Variants in ZNF532 observed in about 807,000 individuals in gnomAD.
ZNF532 encodes the protein zinc finger protein 532.
Under a neutral mutation model 89.3 loss-of-function variants are expected in ZNF532, and 22 were observed. The observed-to-expected ratio is 0.25, with a 90% CI of 0.18 to 0.35. The LOEUF (loss-of-function observed/expected upper bound fraction) is 0.35, where lower values mean the gene tolerates loss of function less well. ZNF532 is among the 10% of genes least tolerant of loss of function. The probability of loss-of-function intolerance (pLI) is 1.00; values close to 1 mark genes in which losing one functional copy is unlikely to be tolerated. For synonymous variants in ZNF532, 606 were observed against 649.6 expected (o/e 0.93, Z 1.02); for missense variants, 1,132 against 1,643.4 (o/e 0.69, Z 5.38).
chr18:58,961,590 G>T (rs1453517913), intron 7 of ZNF532, among the ~76,000 whole-genome samples: 2 of 151,908 alleles, frequency 1.3e-5, no homozygotes, highest in African/African-American at 4.9e-5. Flanking sequence ...TACCGCAAAG[G>T]GGAGGGAATG....
intron 2 of ZNF532, chr18:58,916,843 A>G (rs2060635878): frequency 1.8e-6 from 1 of 547,828 alleles, no homozygotes; most frequent in African/African-American, 2.1e-5. Flanking sequence ...TGGAATAGTT[A>G]CTTTTATTAG....
intron 6 of ZNF532, among the ~76,000 whole-genome samples, chr18:58,951,701 G>A (rs927694109): frequency 2.3e-5 from 3 of 128,934 alleles, no homozygotes; most frequent in Admixed American, 9.7e-5. Flanking sequence ...CCAAGCTGGA[G>A]TGCAGTGGGG....
At chr18:58,888,794 ATAATTTATATATATAAAAAAT>A (rs2058586511) in intron 2 of ZNF532, among the ~76,000 whole-genome samples, 1 of 52,690 alleles carries the variant, frequency 1.9e-5, no homozygotes, top group African/African-American at 1.2e-4. Context: ...TAAAATATAT[ATAATTTATATATATAAAAAAT>A]TATATATATA....
In ZNF532 at chr18:58,918,806, C is replaced by T. The variant is rs758168239; in HGVS notation, c.519C>T (p.Tyr173=). Residue 173 remains tyrosine, a synonymous_variant, in exon 3 of 10, where the codon TAC becomes TAT. Coordinates refer to ENST00000591808, the MANE Select transcript of ZNF532 (RefSeq NM_001375912.1). ...VLTGSAPQQD[Y]DKLKALGGEN... Reference sequence around the variant, plus strand: ...CGGGGTCGGCTCCCCAGCAGGACTACGATAAGCTGAAGGCACTCGGAGGGG... The same window carrying T: ...CGGGGTCGGCTCCCCAGCAGGACTATGATAAGCTGAAGGCACTCGGAGGGG... 8 of 1,614,138 alleles carry T rather than the reference C, an allele frequency of 5.0e-6. No individual in the cohort carries two copies. In the East Asian group the frequency reaches 8.9e-5, roughly 18 times the overall value.
In ZNF532 at chr18:58,972,696, G is replaced by A. The variant is rs189263937; in HGVS notation, c.3151-6359G>A. On this transcript the variant is annotated intron_variant, in intron 7 of 9. Transcript: ENST00000591808. Reference sequence around the variant, plus strand: ...CTGTCTCCCTGCTCATTCATTCATCGCTCGCCTCTATCCTCAGTCTCTTCA... The same window carrying A: ...CTGTCTCCCTGCTCATTCATTCATCACTCGCCTCTATCCTCAGTCTCTTCA... 2.4e-3 allele frequency among the ~76,000 whole-genome samples: 367 copies of A among 151,980 alleles called. 1 individual carries two copies. The highest frequency in any genetic ancestry group is 3.8e-3 in the Non-Finnish European group (257 of 67,964).
At chr18:58,963,344 C>G (rs1165255300) in intron 7 of ZNF532, among the ~76,000 whole-genome samples, 1 of 152,070 alleles carries the variant, frequency 6.6e-6, no homozygotes, top group Non-Finnish European at 1.5e-5. Flanking sequence ...GTAGCCTTTC[C>G]CATTCTGAAA....
chr18:58,888,787 A>T (rs560039478), intron 2 of ZNF532, among the ~76,000 whole-genome samples: 97 of 8,148 alleles, frequency 0.012, 4 homozygotes, highest in African/African-American at 0.025. Flanking sequence ...ATATATATAA[A>T]ATATATATAA....
intron 2 of ZNF532, among the ~76,000 whole-genome samples, chr18:58,876,170 G>A (rs1435004455): frequency 3.9e-5 from 6 of 151,982 alleles, no homozygotes; most frequent in Admixed American, 1.3e-4. Flanking sequence ...TCCTGACCTC[G>A]TGATCCGCCT....
At chr18:58,912,681 T>G (rs966558679) in intron 2 of ZNF532, among the ~76,000 whole-genome samples, 1 of 152,230 alleles carries the variant, frequency 6.6e-6, no homozygotes, top group East Asian at 1.9e-4. Flanking sequence ...ATGAAACTTT[T>G]CTGTGGCATT....
At chr18:58,977,516 C>T (rs1800180021) in intron 7 of ZNF532, 1 of 152,126 alleles carries the variant, frequency 6.6e-6, no homozygotes, top group Admixed American at 6.5e-5. Context: ...TGAACAAGGA[C>T]ATGTTTGTCA....
chr18:58,881,994 G>A (rs2057962219), intron 2 of ZNF532, among the ~76,000 whole-genome samples: 1 of 152,034 alleles, frequency 6.6e-6, no homozygotes, highest in South Asian at 2.1e-4. Flanking sequence ...GTCTTGCTCC[G>A]TCTCTTAGGC....
In ZNF532 at chr18:58,972,210, C is replaced by G. The variant is rs1204192444; in HGVS notation, c.3151-6845C>G. ...AGAGACTCTGTCTCAAAAATACAAA[C>G]AAGAAAACAACTGTCAGTGTGTGTA... is the stretch of plus-strand genomic sequence containing the variant. On this transcript the variant is annotated intron_variant, in intron 7 of 9. Coordinates refer to ENST00000591808, the MANE Select transcript of ZNF532 (RefSeq NM_001375912.1). Among the ~76,000 whole-genome samples, 3 of 152,232 alleles carry G rather than the reference C, an allele frequency of 2.0e-5. No homozygotes were observed. In the East Asian group the frequency reaches 5.8e-4, roughly 29 times the overall value.
chr18:58,895,494 A>G (rs2059183815), intron 2 of ZNF532, among the ~76,000 whole-genome samples: 1 of 152,244 alleles, frequency 6.6e-6, no homozygotes, highest in African/African-American at 2.4e-5. Flanking sequence ...AACTTTGTTT[A>G]ACCATTTGAC....
chr18:58,955,236 G>A (rs567875094), intron 7 of ZNF532, among the ~76,000 whole-genome samples: 45 of 152,266 alleles, frequency 3.0e-4, no homozygotes, highest in Non-Finnish European at 5.7e-4. Flanking sequence ...TACCCTGGGC[G>A]ATAGAGCGAG....
intron 2 of ZNF532, among the ~76,000 whole-genome samples, chr18:58,888,786 A>T (rs541362768): frequency 6.4e-4 from 4 of 6,208 alleles, no homozygotes; most frequent in South Asian, 7.1e-3. Flanking sequence ...TATATATATA[A>T]AATATATATA....
chr18:58,981,787 G>T (rs1429915778), intron 9 of ZNF532, among the ~76,000 whole-genome samples, 170 bp downstream of exon 9: 1 of 152,054 alleles, frequency 6.6e-6, no homozygotes, highest in East Asian at 1.9e-4. Flanking sequence ...GGTAAATCAC[G>T]AGTTCAGGAG....
intron 7 of ZNF532, among the ~76,000 whole-genome samples, chr18:58,958,110 A>G (rs1029652241): frequency 1.1e-4 from 17 of 150,906 alleles, no homozygotes; most frequent in African/African-American, 4.1e-4. Context: ...TGGCTCTGCT[A>G]GTTATTCAGT....
chr18:58,889,368 T>A (rs1471572640), intron 2 of ZNF532, among the ~76,000 whole-genome samples: 1 of 152,222 alleles, frequency 6.6e-6, no homozygotes, highest in Non-Finnish European at 1.5e-5. Context: ...CAGGTTGTCT[T>A]TCTTGAGCCA....
intron 3 of ZNF532, among the ~76,000 whole-genome samples, chr18:58,929,933 G>A (rs1437294826): frequency 6.6e-6 from 1 of 152,202 alleles, no homozygotes; most frequent in Non-Finnish European, 1.5e-5. Flanking sequence ...ACTTTAGGCA[G>A]AAGATTGTGG....
Sources: gnomAD v4.1 joint callset for allele counts (sites outside exome capture counted in the v4.1 genomes callset) on GRCh38, gnomAD v4.1.1 for gene constraint, MANE v1.5 for transcripts, NCBI Gene and HGNC (gene_info 2026-07-23, HGNC 2026-07-21) for gene names.